The following WDR97 variants were observed in gnomAD, a reference collection of about 807,000 sequenced individuals.
WDR97 encodes WD repeat domain 97.
Under a neutral mutation model 65.4 loss-of-function variants are expected in WDR97, and 111 were observed. The observed-to-expected ratio is 1.70, with a 90% CI of 1.45 to 1.99. The LOEUF is 1.99. Ranked by LOEUF, WDR97 falls within the 30% of genes most tolerant of loss-of-function variation. The probability of loss-of-function intolerance (pLI) is 0.00; values close to 1 mark genes in which losing one functional copy is unlikely to be tolerated. For missense variants in WDR97, 1,674 were observed against 865.0 expected, an observed-to-expected ratio of 1.94 and a Z score of -11.73; for synonymous variants, 802 against 397.7, an observed-to-expected ratio of 2.02 and a Z score of -12.10.
At chr8:144,115,013 C>T (rs1439623484) in intron 21 of WDR97, 102 bp downstream of exon 21, 10 of 611,272 alleles carry the variant, frequency 1.6e-5, no homozygotes, top group African/African-American at 5.5e-5. Flanking sequence ...AGGCTCCTTC[C>T]TTGCCTTGCC....
Position 144,109,776 on chromosome 8 carries a change from C to T in WDR97, c.1442C>T (p.Ala481Val), listed in dbSNP as rs1221616344. 7.4e-6 allele frequency: 5 copies of T among 673,152 alleles called. No individual in the cohort carries two copies. In the East Asian group the frequency reaches 1.2e-4, roughly 16 times the overall value. 41.7% of individuals were successfully genotyped at this position (673,152 alleles called of 1,614,324 possible). The change falls in exon 5 of 24, where the codon GCC becomes GTC. Residue 481 changes from alanine to valine, a missense_variant. By Grantham distance (64) the Ala-to-Val change is moderately conservative (BLOSUM62 0). Transcript: ENST00000323662. ...LEPEDCAAAVAYCLPREALWL... is the reference protein window; with the variant it reads ...LEPEDCAAAVVYCLPREALWL... ...CCGGAGGACTGCGCGGCAGCCGTGGCCTACTGCCTGCCGCGCGAGGCGCTG... is the reference window on the plus strand; with the variant it reads ...CCGGAGGACTGCGCGGCAGCCGTGGTCTACTGCCTGCCGCGCGAGGCGCTG...
Position 144,110,371 on chromosome 8 carries a change from T to C in WDR97, c.1874T>C (p.Val625Ala). The change falls in exon 7 of 24, where the codon GTC (valine) becomes GCC (alanine). Residue 625 changes from valine (V) to alanine (A), a missense_variant. By Grantham distance (64) the Val-to-Ala change is moderately conservative. Coordinates refer to ENST00000323662, the MANE Select transcript of WDR97 (RefSeq NM_001316309.2). ...GGDLTVKMWR[V>A]FPYAEESLSL... ...GACCTGACGGTGAAGATGTGGCGCG[T>C]CTTCCCCTATGCCGAAGAGAGCCTG... The C allele has an allele frequency of 1.4e-6, 1 of 702,892 alleles. No homozygotes were observed. Among genetic ancestry groups the C allele is most frequent in the Admixed American group, 2.0e-5 (1 of 50,022 alleles). The allele number at this position is 702,892 out of a possible 1,614,324, so 43.5% of individuals were successfully genotyped here.
Position 144,109,664 on chromosome 8 carries a change from A to G in WDR97, c.1330A>G (p.Thr444Ala), listed in dbSNP as rs760291176. 2 of 668,258 alleles carry G rather than the reference A, an allele frequency of 3.0e-6. No individual in the cohort carries two copies. The highest frequency in any genetic ancestry group is 1.9e-5 in the African/African-American group (1 of 52,952). The allele number at this position is 668,258 out of a possible 1,614,324, so 41.4% of individuals were successfully genotyped here. The part of the protein sequence containing the change: ...LPAPAHQSLP[T>A]RLVCACADGS... Reference sequence around the variant, plus strand: ...CGCGCCTGCGCACCAGTCGCTGCCTACGCGCCTCGTGTGCGCGTGCGCCGA... The same window carrying G: ...CGCGCCTGCGCACCAGTCGCTGCCTGCGCGCCTCGTGTGCGCGTGCGCCGA... The change falls in exon 5 of 24, where the codon ACG (threonine) becomes GCG (alanine). Residue 444 changes from threonine to alanine, a missense_variant. Coordinates refer to ENST00000323662, the MANE Select transcript of WDR97 (RefSeq NM_001316309.2).
At chr8:144,112,718 C>G (rs548896038) in intron 15 of WDR97, 188 bp downstream of exon 15, 1 of 606,904 alleles carries the variant, frequency 1.6e-6, no homozygotes, top group Non-Finnish European at 3.0e-6. Context: ...CTCTGTCTAG[C>G]CCTGTTCCAG....
Position 144,114,485 on chromosome 8 carries a change from T to G in WDR97, c.3792+10T>G, listed in dbSNP as rs1375643187. On this transcript the variant is annotated intron_variant, in intron 19 of 23. Coordinates refer to ENST00000323662, the MANE Select transcript of WDR97 (RefSeq NM_001316309.2). ...GCCCCCCAGCCTCCAGGTGTGCCCC[T>G]TGTCCTGCCCCCAGTTTTCCTCCCC... 1.4e-6 allele frequency: 1 copy of G among 701,568 alleles called. No homozygotes were observed. The highest frequency in any genetic ancestry group is 1.8e-5 in the African/African-American group (1 of 56,982). 43.5% of individuals were successfully genotyped at this position (701,568 alleles called of 1,614,324 possible).
intron 15 of WDR97, 126 bp downstream of exon 15, chr8:144,112,656 C>A (rs1188973986): frequency 3.0e-6 from 2 of 659,472 alleles, no homozygotes; most frequent in Admixed American, 4.2e-5. Flanking sequence ...CACCTACAAC[C>A]AGAGGGCCAG....
In WDR97 at chr8:144,111,418, G is replaced by C. The variant is rs1031758705; in HGVS notation, c.2427-8G>C. 2 of 702,812 alleles carry C rather than the reference G, an allele frequency of 2.8e-6. No individual in the cohort carries two copies. The highest frequency in any genetic ancestry group is 5.2e-6 in the Non-Finnish European group (2 of 384,972). The allele number at this position is 702,812 out of a possible 1,614,324, so 43.5% of individuals were successfully genotyped here. ...CAGCATCCCACCTGTGCCTGTCCCTGTTTGCAGCGAGGCCTTGTCTCTCAT... is the reference window on the plus strand; with the variant it reads ...CAGCATCCCACCTGTGCCTGTCCCTCTTTGCAGCGAGGCCTTGTCTCTCAT... On this transcript the variant is annotated splice_region_variant and splice_polypyrimidine_tract_variant and intron_variant, in intron 10 of 23. Coordinates refer to ENST00000323662, the MANE Select transcript of WDR97 (RefSeq NM_001316309.2).
chr8:144,112,384 GA>G, intron 14 of WDR97, 35 bp downstream of exon 14: 1 of 702,498 alleles, frequency 1.4e-6, no homozygotes, highest in South Asian at 1.5e-5. Flanking sequence ...ACCACCTACT[GA>G]GGGGCAGAGC....
chr8:144,107,907 G>A (rs948283766), intron 1 of WDR97, 45 bp downstream of exon 1: 2 of 702,650 alleles, frequency 2.8e-6, no homozygotes, highest in African/African-American at 1.7e-5. Context: ...GCTAGGAAGT[G>A]GGTCTCATTC....
intron 21 of WDR97, 32 bp from the exon 22 acceptor site, chr8:144,115,309 C>G: frequency 1.7e-6 from 1 of 588,524 alleles, no homozygotes; most frequent in Non-Finnish European, 3.0e-6. Flanking sequence ...CCCAAGGTCT[C>G]TAAGACCTTA....
At chr8:144,111,045 T>TG (rs976010911) in intron 9 of WDR97, 49 bp downstream of exon 9, 1 of 702,534 alleles carries the variant, frequency 1.4e-6, no homozygotes. Context: ...TTGCTCACCT[T>TG]GGGGGGCAGA....
rs2130122733 is a variant in WDR97, at chr8:144,115,988, C to T, written c.4641C>T (p.Ser1547=). The T allele has an allele frequency of 4.3e-6, 3 of 700,608 alleles. No homozygotes were observed. In the South Asian group the frequency reaches 4.4e-5, roughly 10 times the overall value. The allele number at this position is 700,608 out of a possible 1,614,324, so 43.4% of individuals were successfully genotyped here. A position where few individuals can be genotyped will look rare whatever the true frequency, so the allele number is the denominator to read the frequency against. The change falls in exon 23 of 24, where the codon TCC becomes TCT. Residue 1547 remains serine, a synonymous_variant. Coordinates refer to ENST00000323662, the MANE Select transcript of WDR97 (RefSeq NM_001316309.2). ...LRLQEAKPQR[S]ARSAMRLRGP... ...TGCAGGAGGCCAAGCCGCAGAGGTC[C>T]GCGAGGTCCGCGATGAGACTGAGGG...
rs929755343 is a variant in WDR97 at position 144,109,536 on chromosome 8, T to C, written c.1202T>C (p.Leu401Pro). The part of the protein sequence containing the change: ...PVRPGWPVLS[L>P]CASSMQLWRV... The stretch of plus-strand genomic sequence containing the variant: ...CGCCCGGGCTGGCCGGTGCTGTCCC[T>C]GTGCGCGAGCAGCATGCAGCTGTGG... The change falls in exon 5 of 24, where the codon CTG (leucine) becomes CCG (proline). Residue 401 changes from leucine to proline, a missense_variant. By Grantham distance (98) the Leu-to-Pro change is moderately conservative. Coordinates refer to ENST00000323662, the MANE Select transcript of WDR97 (RefSeq NM_001316309.2). The C allele has an allele frequency of 1.6e-5, 11 of 697,494 alleles. No homozygotes were observed. The highest frequency in any genetic ancestry group is 2.9e-5 in the Non-Finnish European group (11 of 382,520). The allele number at this position is 697,494 out of a possible 1,614,324, so 43.2% of individuals were successfully genotyped here.
At chr8:144,111,610 T>C in intron 11 of WDR97, 22 bp from the exon 12 acceptor site, 1 of 679,998 alleles carries the variant, frequency 1.5e-6, no homozygotes, top group Non-Finnish European at 2.7e-6. Context: ...AAGAGCAGGC[T>C]GATCCCTGAA....
Position 144,115,403 on chromosome 8 carries a change from G to T in WDR97, c.4140G>T (p.Ser1380=). 1.5e-6 allele frequency: 1 copy of T among 651,422 alleles called. No homozygotes were observed. The highest frequency in any genetic ancestry group is 2.8e-6 in the Non-Finnish European group (1 of 357,622). The allele number at this position is 651,422 out of a possible 1,614,324, so 40.4% of individuals were successfully genotyped here. A position where few individuals can be genotyped will look rare whatever the true frequency, so the allele number is the denominator to read the frequency against. Residue 1380 remains serine, a synonymous_variant, in exon 22 of 24, where the codon TCG becomes TCT. Transcript: ENST00000323662. ...CCACACGCGCCTCCGTGATACCCTC[G>T]GGCACCTCCTGGTCGGCCTCCGGCA... ...GAPTRASVIP[S]GTSWSASGIF...
chr8:144,114,935 G>A (rs1045328927), intron 21 of WDR97, 24 bp downstream of exon 21: 4 of 668,774 alleles, frequency 6.0e-6, no homozygotes, highest in Admixed American at 2.4e-5. Flanking sequence ...GGGCCGGGGG[G>A]GCCTTGGGAA....
chr8:144,107,933 C>T (rs770740959), intron 1 of WDR97, 71 bp downstream of exon 1: 15 of 701,918 alleles, frequency 2.1e-5, no homozygotes, highest in East Asian at 5.4e-5. Flanking sequence ...TGGGTTCCGT[C>T]CCCTGGAACA....
intron 18 of WDR97, 46 bp from the exon 19 acceptor site, chr8:144,114,232 G>T: frequency 1.4e-6 from 1 of 694,028 alleles, no homozygotes; most frequent in Non-Finnish European, 2.6e-6. Context: ...GTAGGGGCTG[G>T]CTTGGGTGTG....
At position 144,109,061 on chromosome 8, in the gene WDR97, C is replaced by G. The variant is rs1475662607; in HGVS notation, c.891C>G (p.Asp297Glu). 2 of 703,204 alleles carry G rather than the reference C, an allele frequency of 2.8e-6. No homozygotes were observed. The highest frequency in any genetic ancestry group is 2.6e-6 in the Non-Finnish European group (1 of 385,048). 43.6% of individuals were successfully genotyped at this position (703,204 alleles called of 1,614,324 possible). Reference sequence around the variant, plus strand: ...TCCCCACCTGTAGCACCATCTCGGACCTGGCTTACTGCGAGGAAGTAGAGG... The same window carrying G: ...TCCCCACCTGTAGCACCATCTCGGAGCTGGCTTACTGCGAGGAAGTAGAGG... ...RRDLHKTTISDLAYCEEVEAM... is the reference protein window; with the variant it reads ...RRDLHKTTISELAYCEEVEAM... The change falls in exon 4 of 24, where the codon GAC (aspartate) becomes GAG (glutamate). Residue 297 changes from aspartate to glutamate, a missense_variant. Physicochemically the swap from Asp to Glu is conservative, Grantham distance 45 (BLOSUM62 2). Coordinates refer to ENST00000323662, the MANE Select transcript of WDR97 (RefSeq NM_001316309.2).
Sources: allele counts gnomAD v4.1 joint callset, GRCh38; gene constraint gnomAD v4.1.1; transcripts MANE v1.5; gene names NCBI Gene and HGNC (gene_info 2026-07-23, HGNC 2026-07-21).